Variants in PPME1 observed in about 807,000 individuals in gnomAD.
PPME1 encodes protein phosphatase methylesterase 1, also known as testicular secretory protein Li 39.
A neutral mutation model predicts 56.9 loss-of-function variants in PPME1; 17 were observed. That is an observed-to-expected ratio of 0.30 (90% confidence interval 0.20 to 0.45). The LOEUF (loss-of-function observed/expected upper bound fraction) is 0.45. Ranked by LOEUF, PPME1 falls within the 20% of genes least tolerant of loss-of-function variation. The pLI, the probability that PPME1 is intolerant of heterozygous loss-of-function variation, is 1.00. For missense variants in PPME1, 357 were observed against 483.2 expected (o/e 0.74, Z 2.45); for synonymous variants, 122 against 156.2 (o/e 0.78, Z 1.63).
chr11:74,173,744 G>T (rs1032392810), intron 1 of PPME1, among the ~76,000 whole-genome samples: 6 of 152,302 alleles, frequency 3.9e-5, no homozygotes, highest in African/African-American at 1.4e-4. Context: ...ATTTCGCCAT[G>T]TTGGCCAGGC....
intron 1 of PPME1, among the ~76,000 whole-genome samples, chr11:74,199,308 A>C (rs1858083164): frequency 6.6e-6 from 1 of 152,132 alleles, no homozygotes; most frequent in Non-Finnish European, 1.5e-5. Context: ...AACTCTTTGT[A>C]CATTTTGTTA....
intron 8 of PPME1, among the ~76,000 whole-genome samples, chr11:74,237,059 T>C (rs1197417746): frequency 2.7e-5 from 4 of 149,566 alleles, no homozygotes; most frequent in African/African-American, 9.7e-5. Context: ...TTGCAATTTA[T>C]TTCTTGAGGA....
At chr11:74,201,659 T>C (rs1858171407) in intron 1 of PPME1, among the ~76,000 whole-genome samples, 1 of 152,214 alleles carries the variant, frequency 6.6e-6, no homozygotes, top group African/African-American at 2.4e-5. Flanking sequence ...TTTCATCTGT[T>C]AAATGGGCAT....
At chr11:74,171,589 C>T in intron 1 of PPME1, 67 bp downstream of exon 1, 3 of 1,506,346 alleles carry the variant, frequency 2.0e-6, no homozygotes, top group Non-Finnish European at 2.7e-6. Flanking sequence ...TATCTCTGGG[C>T]GTTCATAGAG....
chr11:74,204,075 C>T (rs1007361674), intron 2 of PPME1, among the ~76,000 whole-genome samples: 1 of 151,694 alleles, frequency 6.6e-6, no homozygotes, highest in African/African-American at 2.4e-5. Context: ...GGGAAGGTTT[C>T]ATGAGTCAAG....
chr11:74,197,957 T>G (rs2135614433), intron 1 of PPME1, among the ~76,000 whole-genome samples: 1 of 152,322 alleles, frequency 6.6e-6, no homozygotes, highest in Non-Finnish European at 1.5e-5. Context: ...TACCATATTT[T>G]CTTTGTGTCT....
Position 74,239,226 on chromosome 11 carries a change from A to G in PPME1, c.804A>G (p.Ile268Met). ...EEEDEEGSES[I>M]SKRKKEDDME... Reference sequence around the variant, plus strand: ...AAGATGAGGAAGGAAGTGAGTCTATAAGCAAGAGGAAAAAGGAAGATGACA... The same window carrying G: ...AAGATGAGGAAGGAAGTGAGTCTATGAGCAAGAGGAAAAAGGAAGATGACA... The change falls in exon 9 of 14, where the codon ATA (isoleucine) becomes ATG (methionine). Residue 268 changes from isoleucine (I) to methionine (M), a missense_variant. By Grantham distance (10) the Ile-to-Met change is conservative. This residue lies in a region of PPME1 where 182 missense variants were observed against 293.8 expected (regional missense o/e 0.62). Coordinates refer to ENST00000328257, the MANE Select transcript of PPME1 (RefSeq NM_016147.3). The G allele has an allele frequency of 6.2e-7, 1 of 1,613,374 alleles. No individual in the cohort carries two copies. Among genetic ancestry groups the G allele is most frequent in the Non-Finnish European group, 8.5e-7 (1 of 1,179,614 alleles).
intron 1 of PPME1, among the ~76,000 whole-genome samples, chr11:74,199,429 G>T (rs12789217): frequency 0.022 from 3,357 of 152,186 alleles, 65 homozygotes; most frequent in Middle Eastern, 0.054. Flanking sequence ...CCTTATACAC[G>T]TAATAGGTTC....
At chr11:74,234,321 C>T (rs575806671) in intron 7 of PPME1, among the ~76,000 whole-genome samples, 7 of 152,192 alleles carry the variant, frequency 4.6e-5, no homozygotes, top group South Asian at 2.1e-4. Context: ...ATTGGAGAAT[C>T]GTCATCACAT....
intron 1 of PPME1, among the ~76,000 whole-genome samples, chr11:74,203,463 T>C (rs1858228453): frequency 6.6e-6 from 1 of 152,224 alleles, no homozygotes; most frequent in Admixed American, 6.5e-5. Flanking sequence ...TAATGAATTT[T>C]GAAAAATCCT....
chr11:74,251,342 C>CA, intron 12 of PPME1: 1 of 1,356,640 alleles, frequency 7.4e-7, no homozygotes, highest in Non-Finnish European at 9.5e-7. Context: ...CCCTAAACCA[C>CA]AGGCACAGTT....
At chr11:74,213,603 T>C (rs1300845066) in intron 3 of PPME1, among the ~76,000 whole-genome samples, 1 of 152,196 alleles carries the variant, frequency 6.6e-6, no homozygotes, top group East Asian at 1.9e-4. Flanking sequence ...CTTGTGTCAC[T>C]CCACCCCCAG....
intron 1 of PPME1, among the ~76,000 whole-genome samples, chr11:74,203,313 C>T (rs747221120): frequency 6.6e-6 from 1 of 152,088 alleles, no homozygotes; most frequent in Non-Finnish European, 1.5e-5. Flanking sequence ...GTGACCAAGA[C>T]TATTGACTGT....
At chr11:74,242,818 G>T (rs920656695) in intron 9 of PPME1, among the ~76,000 whole-genome samples, 33 of 142,300 alleles carry the variant, frequency 2.3e-4, no homozygotes, top group African/African-American at 8.6e-4. Context: ...GGCAGAGGTT[G>T]CAGTGAGCCG....
chr11:74,214,877 C>G (rs967015447), intron 3 of PPME1, among the ~76,000 whole-genome samples: 3 of 152,110 alleles, frequency 2.0e-5, no homozygotes, highest in Non-Finnish European at 4.4e-5. Flanking sequence ...AAGAAATCAT[C>G]TGAAGGTACA....
chr11:74,200,832 GT>G (rs1311015596), intron 1 of PPME1, among the ~76,000 whole-genome samples: 1 of 151,886 alleles, frequency 6.6e-6, no homozygotes, highest in Admixed American at 6.6e-5. Context: ...CCTGGAACCT[GT>G]TTTTTTGTTT....
intron 13 of PPME1, 60 bp downstream of exon 13, chr11:74,251,775 A>G: frequency 6.3e-7 from 1 of 1,583,374 alleles, no homozygotes; most frequent in Non-Finnish European, 8.7e-7. Context: ...ACAAGCAGAC[A>G]CTTGTAGGAC....
chr11:74,192,908 T>C (rs1266205568), intron 1 of PPME1, among the ~76,000 whole-genome samples: 1 of 152,218 alleles, frequency 6.6e-6, no homozygotes, highest in African/African-American at 2.4e-5. Context: ...TCAGGTATTA[T>C]GTTACAGCAA....
intron 3 of PPME1, among the ~76,000 whole-genome samples, chr11:74,211,606 A>G (rs1361322052): frequency 6.6e-6 from 1 of 152,216 alleles, no homozygotes; most frequent in Non-Finnish European, 1.5e-5. Flanking sequence ...TAAATAAAAG[A>G]TTAATTTGAG....
Sources: allele counts gnomAD v4.1 joint callset (sites outside exome capture counted in the v4.1 genomes callset), GRCh38; gene constraint gnomAD v4.1.1; regional missense constraint gnomAD v4.1.1; transcripts MANE v1.5; gene names NCBI Gene and HGNC (gene_info 2026-07-23, HGNC 2026-07-21).